Variants in EPB41L4B observed in about 807,000 individuals in gnomAD.
EPB41L4B encodes band 4.1-like protein 4B.
A neutral mutation model predicts 112.5 loss-of-function variants in EPB41L4B; 30 were observed. The ratio of observed to expected loss-of-function variants is 0.27; its 90% CI spans 0.20 to 0.36. The LOEUF is 0.36. Ranked by LOEUF, EPB41L4B falls within the 10% of genes least tolerant of loss-of-function variation. The pLI, the probability that EPB41L4B is intolerant of heterozygous loss-of-function variation, is 1.00. For missense variants in EPB41L4B, 1,024 were observed against 1,133.3 expected, an observed-to-expected ratio of 0.90 and a Z score of 1.38; for synonymous variants, 408 against 439.7, an observed-to-expected ratio of 0.93 and a Z score of 0.90.
rs1266715989 is a variant in EPB41L4B, at chr9:109,268,886, A to G, written c.412-453T>C. ...CACTCCAGCCTGGGCGACAGAGCGAAACTCCGTCTCAAAAAAAAAAAAAAA... is the reference window on the plus strand; with the variant it reads ...CACTCCAGCCTGGGCGACAGAGCGAGACTCCGTCTCAAAAAAAAAAAAAAA... On this transcript the variant is annotated intron_variant, in intron 2 of 25. Coordinates refer to ENST00000374566, the MANE Select transcript of EPB41L4B (RefSeq NM_019114.5). 2.7e-5 allele frequency among the ~76,000 whole-genome samples: 3 copies of G among 111,976 alleles called. No homozygotes were observed. In the Admixed American group the frequency reaches 3.2e-4, roughly 12 times the overall value. 73.5% of individuals were successfully genotyped at this position (111,976 alleles called of 152,430 possible). A position where few individuals can be genotyped will look rare whatever the true frequency, so the allele number is the denominator to read the frequency against.
intron 19 of EPB41L4B, 44 bp from the exon 20 acceptor site, chr9:109,200,378 T>A: frequency 6.6e-7 from 1 of 1,517,386 alleles, no homozygotes. Context: ...CAAAAAAGGT[T>A]TATGGTCTCG....
chr9:109,180,117 C>T (rs1588114723), intron 24 of EPB41L4B, among the ~76,000 whole-genome samples: 7 of 152,188 alleles, frequency 4.6e-5, no homozygotes, highest in Admixed American at 3.3e-4. Flanking sequence ...GCTTGCTTTC[C>T]GCATCCCAGT....
chr9:109,207,085 G>A lies in EPB41L4B; in HGVS notation c.1878+839C>T, dbSNP rs141651884. 2.3e-3 allele frequency among the ~76,000 whole-genome samples: 352 copies of A among 152,304 alleles called. 2 individuals are homozygous for A. The highest frequency in any genetic ancestry group is 8.1e-3 in the African/African-American group (336 of 41,556). The stretch of plus-strand genomic sequence containing the variant: ...GTCTTAAGAGCTCAGAAATGCCAGC[G>A]CCAGGCACAGTGGCCCCTGCTTAGA... On this transcript the variant is annotated intron_variant, in intron 18 of 25. Coordinates refer to ENST00000374566, the MANE Select transcript of EPB41L4B (RefSeq NM_019114.5).
At chr9:109,197,999 C>T (rs550714189) in intron 20 of EPB41L4B, among the ~76,000 whole-genome samples, 4 of 152,104 alleles carry the variant, frequency 2.6e-5, no homozygotes, top group African/African-American at 7.2e-5. Flanking sequence ...GTCTTATCCT[C>T]GAGGGAAGCA....
At chr9:109,262,592 C>T (rs906909718) in intron 6 of EPB41L4B, among the ~76,000 whole-genome samples, 11 of 152,236 alleles carry the variant, frequency 7.2e-5, no homozygotes, top group East Asian at 3.9e-4. Context: ...ATATAGCCAA[C>T]GTGGCCTTTC....
chr9:109,276,225 C>G (rs992123792), intron 2 of EPB41L4B, among the ~76,000 whole-genome samples: 1 of 149,916 alleles, frequency 6.7e-6, no homozygotes, highest in Non-Finnish European at 1.5e-5. Context: ...CAAGGCCAAA[C>G]AGTCAAATGG....
chr9:109,222,967 C>T (rs1239659547), intron 15 of EPB41L4B, among the ~76,000 whole-genome samples: 1 of 152,130 alleles, frequency 6.6e-6, no homozygotes, highest in Non-Finnish European at 1.5e-5. Flanking sequence ...CCTCCAACTC[C>T]AGAAAAGCTA....
intron 15 of EPB41L4B, among the ~76,000 whole-genome samples, chr9:109,230,537 C>A (rs1833918938): frequency 6.6e-6 from 1 of 152,180 alleles, no homozygotes; most frequent in Admixed American, 6.5e-5. Flanking sequence ...AGAGAAAGTA[C>A]AATTTACTCA....
chr9:109,196,584 G>A (rs1227537330), intron 20 of EPB41L4B, among the ~76,000 whole-genome samples: 1 of 152,016 alleles, frequency 6.6e-6, no homozygotes, highest in Non-Finnish European at 1.5e-5. Context: ...CAGATGTGGT[G>A]GCACACACCT....
chr9:109,314,642 C>CCG (rs372847219), intron 1 of EPB41L4B, among the ~76,000 whole-genome samples: 3 of 67,772 alleles, frequency 4.4e-5, no homozygotes, highest in African/African-American at 2.6e-4. Context: ...TCACCCCCCC[C>CCG]CACCTCAGCC....
chr9:109,233,241 A>C (rs1834013652), intron 15 of EPB41L4B, among the ~76,000 whole-genome samples: 1 of 152,086 alleles, frequency 6.6e-6, no homozygotes, highest in African/African-American at 2.4e-5. Flanking sequence ...ACCACAGGTG[A>C]CTCTTGGGAT....
intron 15 of EPB41L4B, among the ~76,000 whole-genome samples, chr9:109,219,660 G>C (rs1038312644): frequency 1.3e-5 from 2 of 152,106 alleles, no homozygotes; most frequent in Non-Finnish European, 2.9e-5. Context: ...GGCCACCTTT[G>C]TCCATTTTCT....
intron 15 of EPB41L4B, among the ~76,000 whole-genome samples, chr9:109,220,098 T>A (rs1487990710): frequency 1.3e-5 from 2 of 152,220 alleles, no homozygotes; most frequent in African/African-American, 4.8e-5. Flanking sequence ...AGTAAATGCC[T>A]TTATTTATTT....
chr9:109,189,831 G>A (rs1328015844), intron 22 of EPB41L4B, among the ~76,000 whole-genome samples: 2 of 152,178 alleles, frequency 1.3e-5, no homozygotes, highest in Non-Finnish European at 2.9e-5. Context: ...GTTTCACCAT[G>A]TTGGCCAGGC....
At chr9:109,247,400 A>G (rs145746450) in intron 14 of EPB41L4B, among the ~76,000 whole-genome samples, 1 of 152,270 alleles carries the variant, frequency 6.6e-6, no homozygotes, top group African/African-American at 2.4e-5. Flanking sequence ...CAAGGGACTC[A>G]TGTTCCCTAG....
intron 1 of EPB41L4B, among the ~76,000 whole-genome samples, chr9:109,287,212 T>C (rs1377838630): frequency 2.0e-5 from 3 of 152,212 alleles, no homozygotes; most frequent in Non-Finnish European, 2.9e-5. Context: ...CTCATTTTGC[T>C]TATTCACTGG....
chr9:109,288,611 T>G (rs1016004099), intron 1 of EPB41L4B, among the ~76,000 whole-genome samples: 1 of 150,174 alleles, frequency 6.7e-6, no homozygotes, highest in African/African-American at 2.5e-5. Flanking sequence ...TAGTCCCAGC[T>G]ACTCGGGAGG....
chr9:109,320,350 G>T lies in EPB41L4B; in HGVS notation c.97C>A (p.Arg33Ser). The T allele has an allele frequency of 1.0e-6, 1 of 984,690 alleles. No individual in the cohort carries two copies. Among genetic ancestry groups the T allele is most frequent in the Non-Finnish European group, 1.2e-6 (1 of 830,812 alleles). The allele number at this position is 984,690 out of a possible 1,614,324, so 61.0% of individuals were successfully genotyped here. ...GGGCCCCCCCGTGGCCCCCCATCGCGCTCGTCCCCCAGCCCGGCGGCCCCG... is the reference window on the plus strand; with the variant it reads ...GGGCCCCCCCGTGGCCCCCCATCGCTCTCGTCCCCCAGCCCGGCGGCCCCG... ...GRGAAGLGDERDGGPRGGPAA... is the reference protein window; with the variant it reads ...GRGAAGLGDESDGGPRGGPAA... Residue 33 changes from arginine to serine, a missense_variant, in exon 1 of 26, where the codon CGC (arginine) becomes AGC (serine). Transcript: ENST00000374566.
intron 15 of EPB41L4B, among the ~76,000 whole-genome samples, chr9:109,230,398 C>T (rs1428118542): frequency 9.2e-5 from 14 of 152,128 alleles, no homozygotes; most frequent in African/African-American, 3.4e-4. Flanking sequence ...CTGCTGTTTG[C>T]CTACGTGACC....
Sources: gnomAD v4.1 joint callset for allele counts (sites outside exome capture counted in the v4.1 genomes callset) on GRCh38, gnomAD v4.1.1 for gene constraint, MANE v1.5 for transcripts, NCBI Gene and HGNC (gene_info 2026-07-23, HGNC 2026-07-21) for gene names.